The following LOC400499 variants were observed in gnomAD, a reference collection of about 807,000 sequenced individuals.
chr16:11,416,947 A>C, the LOC400499 span, among the ~76,000 whole-genome samples: 22,256 of 151,126 alleles, frequency 0.15, 2,071 homozygotes, highest in African/African-American at 0.28. Flanking sequence ...TTTGACTTTC[A>C]CCCTGTGTGA....
chr16:11,379,596 C>G, the LOC400499 span, among the ~76,000 whole-genome samples: 4 of 152,210 alleles, frequency 2.6e-5, no homozygotes, highest in African/African-American at 9.7e-5. Context: ...GTGACTGTGT[C>G]ATGAGGCCCA....
chr16:11,412,925 T>G, the LOC400499 span: 1 of 398,996 alleles, frequency 2.5e-6, no homozygotes, highest in African/African-American at 2.1e-5. Flanking sequence ...GCTCATCTCT[T>G]CTGCCTCCCA....
At chr16:11,378,364 A>C in the LOC400499 span, among the ~76,000 whole-genome samples, 1 of 151,720 alleles carries the variant, frequency 6.6e-6, no homozygotes, top group Non-Finnish European at 1.5e-5. Flanking sequence ...CCCGGGTTCA[A>C]GTGATTCTCC....
the LOC400499 span, among the ~76,000 whole-genome samples, chr16:11,507,424 C>T: frequency 6.6e-6 from 1 of 152,192 alleles, no homozygotes; most frequent in East Asian, 1.9e-4. Context: ...GGGCGAGAAA[C>T]CCTGCTTTGG....
At chr16:11,495,855 T>C in the LOC400499 span, among the ~76,000 whole-genome samples, 14 of 152,124 alleles carry the variant, frequency 9.2e-5, no homozygotes, top group African/African-American at 2.2e-4. Flanking sequence ...CAGCTATAGA[T>C]AGAACTGAGA....
the LOC400499 span, chr16:11,390,485 C>A: frequency 8.1e-7 from 1 of 1,235,032 alleles, no homozygotes; most frequent in East Asian, 3.1e-5. Context: ...AGCCACCACC[C>A]ACCATGAGAC....
chr16:11,411,717 T>C, the LOC400499 span, among the ~76,000 whole-genome samples: 2 of 152,060 alleles, frequency 1.3e-5, no homozygotes, highest in Non-Finnish European at 2.9e-5. Context: ...CTTGGGTTGG[T>C]CCCATGGGAG....
the LOC400499 span, among the ~76,000 whole-genome samples, chr16:11,502,647 C>T: frequency 1.3e-5 from 2 of 150,176 alleles, no homozygotes; most frequent in Non-Finnish European, 1.5e-5. Context: ...CGGAGTCTCA[C>T]TCTGTTGCCC....
At chr16:11,394,114 G>T in the LOC400499 span, among the ~76,000 whole-genome samples, 1 of 152,288 alleles carries the variant, frequency 6.6e-6, no homozygotes, top group South Asian at 2.1e-4. Context: ...CCAGTGCCCT[G>T]GTGTTTCTGC....
At chr16:11,387,605 G>T in the LOC400499 span, among the ~76,000 whole-genome samples, 12 of 151,566 alleles carry the variant, frequency 7.9e-5, no homozygotes, top group African/African-American at 2.9e-4. Context: ...TATGTGTGGG[G>T]ATGCCGAGGA....
chr16:11,527,131 C>T, the LOC400499 span, among the ~76,000 whole-genome samples: 1 of 152,200 alleles, frequency 6.6e-6, no homozygotes, highest in African/African-American at 2.4e-5. Context: ...CTGCCATCAG[C>T]GGCCAGAGCA....
At chr16:11,432,590 T>C in the LOC400499 span, among the ~76,000 whole-genome samples, 25 of 152,278 alleles carry the variant, frequency 1.6e-4, no homozygotes, top group Middle Eastern at 6.8e-3. Context: ...GAGTGATTGA[T>C]AAATGTGAGA....
the LOC400499 span, among the ~76,000 whole-genome samples, chr16:11,489,845 C>A: frequency 0.042 from 6,466 of 152,242 alleles, 204 homozygotes; most frequent in Non-Finnish European, 0.065. Context: ...ATGTACACAC[C>A]CTTTACCATG....
At chr16:11,521,236 C>T in the LOC400499 span, among the ~76,000 whole-genome samples, 13 of 152,272 alleles carry the variant, frequency 8.5e-5, no homozygotes, top group East Asian at 2.1e-3. Context: ...TACAAAAATG[C>T]ATCACAATAT....
At chr16:11,518,047 C>T in the LOC400499 span, among the ~76,000 whole-genome samples, 3 of 152,206 alleles carry the variant, frequency 2.0e-5, no homozygotes, top group African/African-American at 2.4e-5. Flanking sequence ...ATGCTAATGG[C>T]GCCCACCACT....
chr16:11,421,013 C>G, the LOC400499 span, among the ~76,000 whole-genome samples: 1 of 152,126 alleles, frequency 6.6e-6, no homozygotes, highest in South Asian at 2.1e-4. Context: ...TACTGCTGGC[C>G]ACCTCTGCCA....
chr16:11,481,366 A>C, the LOC400499 span, among the ~76,000 whole-genome samples: 3 of 152,186 alleles, frequency 2.0e-5, no homozygotes, highest in Non-Finnish European at 4.4e-5. Context: ...CTTGCCGCCC[A>C]AGCTAGAGTG....
the LOC400499 span, among the ~76,000 whole-genome samples, chr16:11,446,137 T>C: frequency 6.6e-6 from 1 of 150,944 alleles, no homozygotes; most frequent in East Asian, 2.0e-4. Context: ...GAGAACTTTT[T>C]TGTGTGTGAG....
At chr16:11,406,879 A>G in the LOC400499 span, among the ~76,000 whole-genome samples, 1 of 152,180 alleles carries the variant, frequency 6.6e-6, no homozygotes, top group Non-Finnish European at 1.5e-5. Context: ...GTATCATAGT[A>G]CTATCTGGCA....
Sources: allele counts gnomAD v4.1 joint callset (sites outside exome capture counted in the v4.1 genomes callset), GRCh38; gene constraint gnomAD v4.1.1; transcripts MANE v1.5.